The following SLCO4C1 variants were observed in gnomAD, a reference collection of about 807,000 sequenced individuals.
SLCO4C1 encodes the protein solute carrier organic anion transporter family member 4C1, also known as organic anion transporter M1.
In SLCO4C1, 58 loss-of-function variants were observed where a neutral mutation model predicts 72.1. The ratio of observed to expected loss-of-function variants is 0.80; its 90% CI spans 0.65 to 1.00. The LOEUF is 1.00. Among genes scored for constraint, SLCO4C1 ranks in the 50% least tolerant of loss-of-function variants. The pLI, the probability that SLCO4C1 is intolerant of heterozygous loss-of-function variation, is 0.00. For missense variants in SLCO4C1, 898 were observed against 857.9 expected (o/e 1.05, Z -0.58); for synonymous variants, 297 against 312.5 (o/e 0.95, Z 0.52).
At chr5:102,257,783 T>G (rs416734) in intron 7 of SLCO4C1, among the ~76,000 whole-genome samples, 160 bp downstream of exon 7, 113,765 of 151,384 alleles carry the variant, frequency 0.75, 42,794 homozygotes, top group Middle Eastern at 0.84. Flanking sequence ...TATGCTCGGC[T>G]AATTTTTATG....
chr5:102,290,475 G>A (rs530437445), intron 2 of SLCO4C1, among the ~76,000 whole-genome samples: 3 of 152,238 alleles, frequency 2.0e-5, no homozygotes, highest in South Asian at 2.1e-4. Context: ...TGAGGTTTAG[G>A]GGGACAAACA....
chr5:102,265,020 A>T (rs192775140), intron 3 of SLCO4C1, among the ~76,000 whole-genome samples: 37 of 151,664 alleles, frequency 2.4e-4, no homozygotes, highest in African/African-American at 8.5e-4. Flanking sequence ...TTCTTTATTC[A>T]TCTGTTGACG....
chr5:102,287,768 C>T (rs567742929), intron 2 of SLCO4C1, among the ~76,000 whole-genome samples: 1 of 151,776 alleles, frequency 6.6e-6, no homozygotes, highest in African/African-American at 2.4e-5. Context: ...GTTGGCCAGG[C>T]TGGTTTCGAA....
chr5:102,261,738 G>C (rs1235645327), intron 5 of SLCO4C1, among the ~76,000 whole-genome samples, 174 bp downstream of exon 5: 1 of 151,968 alleles, frequency 6.6e-6, no homozygotes, highest in African/African-American at 2.4e-5. Flanking sequence ...TGAATATTAA[G>C]ATTGTTACCC....
Position 102,261,855 on chromosome 5 carries a change from T to C in SLCO4C1, c.1021+57A>G, listed in dbSNP as rs575094828. 4.6e-5 allele frequency: 69 copies of C among 1,514,550 alleles called. No individual in the cohort carries two copies. The South Asian group carries it at 8.5e-4, about 19-fold the overall frequency. 93.8% of individuals were successfully genotyped at this position (1,514,550 alleles called of 1,614,324 possible). ...TAGTTCTTATTAATCATATAGAAAATAGCAACTGGCCTACAATTAAAATAA... is the reference window on the plus strand; with the variant it reads ...TAGTTCTTATTAATCATATAGAAAACAGCAACTGGCCTACAATTAAAATAA... On this transcript the variant is annotated intron_variant, in intron 5 of 12. Coordinates refer to ENST00000310954, the MANE Select transcript of SLCO4C1 (RefSeq NM_180991.5).
rs948663129 is a variant in SLCO4C1, at chr5:102,260,336, T to A, written c.1022-17A>T. On this transcript the variant is annotated splice_polypyrimidine_tract_variant and intron_variant, in intron 5 of 12. Coordinates refer to ENST00000310954, the MANE Select transcript of SLCO4C1 (RefSeq NM_180991.5). ...CTGCTGTACCTAAAAAAAAAATATA[T>A]ATATATATATAATATATATATTATA... 1 of 386,208 alleles carries A rather than the reference T, an allele frequency of 2.6e-6. No homozygotes were observed. The highest frequency in any genetic ancestry group is 4.1e-6 in the Non-Finnish European group (1 of 246,614). 23.9% of individuals were successfully genotyped at this position (386,208 alleles called of 1,614,324 possible).
At chr5:102,250,943 C>T (rs532584222) in intron 8 of SLCO4C1, among the ~76,000 whole-genome samples, 14 of 151,804 alleles carry the variant, frequency 9.2e-5, no homozygotes, top group East Asian at 3.9e-4. Flanking sequence ...GCCAAGATTG[C>T]GCCACTGCAC....
intron 2 of SLCO4C1, among the ~76,000 whole-genome samples, chr5:102,283,588 C>CAAAA (rs544259565): frequency 1.4e-5 from 1 of 70,648 alleles, no homozygotes. Flanking sequence ...AAGGAAGCTA[C>CAAAA]AAAAAAAAAA....
At chr5:102,238,265 C>T (rs1205246581) in intron 12 of SLCO4C1, among the ~76,000 whole-genome samples, 1 of 151,852 alleles carries the variant, frequency 6.6e-6, no homozygotes, top group African/African-American at 2.4e-5. Context: ...AAAGTACAAA[C>T]AAAATGAATT....
At chr5:102,264,238 T>G (rs1449877465) in intron 3 of SLCO4C1, among the ~76,000 whole-genome samples, 1 of 152,124 alleles carries the variant, frequency 6.6e-6, no homozygotes, top group Non-Finnish European at 1.5e-5. Flanking sequence ...GTCTATTTCT[T>G]AAAAGTAAGC....
At position 102,257,963 on chromosome 5, in the gene SLCO4C1, C is replaced by T; in HGVS notation, c.1253G>A (p.Ser418Asn). The T allele has an allele frequency of 6.2e-7, 1 of 1,604,254 alleles. No individual in the cohort carries two copies. The highest frequency in any genetic ancestry group is 2.3e-5 in the East Asian group (1 of 44,324). ...FIENQFGLTS[S>N]FAATLGGAVL... ...TTTACCTCCAAGAGTAGCTGCGAAG[C>T]TGGATGTCAATCCGAATTGATTTTC... The change falls in exon 7 of 13, where the codon AGC becomes AAC. Residue 418 changes from serine to asparagine, a missense_variant. By Grantham distance (46) the Ser-to-Asn change is conservative. Transcript: ENST00000310954.
intron 7 of SLCO4C1, 70 bp from the exon 8 acceptor site, chr5:102,257,380 A>G: frequency 8.4e-7 from 1 of 1,195,160 alleles, no homozygotes; most frequent in South Asian, 1.9e-5. Flanking sequence ...ACAACTGGAA[A>G]ACATCAAAAA....
intron 3 of SLCO4C1, among the ~76,000 whole-genome samples, chr5:102,264,573 C>T (rs1020571095): frequency 2.0e-5 from 3 of 151,808 alleles, no homozygotes; most frequent in Admixed American, 6.6e-5. Flanking sequence ...ATGATCAAAT[C>T]GTAGTAATTA....
Position 102,240,704 on chromosome 5 carries a change from G to A in SLCO4C1, c.1876+14C>T, listed in dbSNP as rs1384080797. On this transcript the variant is annotated intron_variant, in intron 11 of 12. Transcript: ENST00000310954. ...TAGCCAACAGTTAGCAATGAATAAA[G>A]AAAAATGGCATACCTAATAATCGAA... is the stretch of plus-strand genomic sequence containing the variant. 6.2e-7 allele frequency: 1 copy of A among 1,604,596 alleles called. No individual in the cohort carries two copies. Among genetic ancestry groups the A allele is most frequent in the Admixed American group, 1.7e-5 (1 of 59,240 alleles).
Position 102,270,804 on chromosome 5 carries a change from T to G in SLCO4C1, c.622A>C (p.Thr208Pro). Residue 208 changes from threonine (T) to proline (P), a missense_variant and splice_region_variant, in exon 3 of 13, where the codon ACT (threonine) becomes CCT (proline). By Grantham distance (38) the Thr-to-Pro change is conservative (BLOSUM62 -1). Transcript: ENST00000310954. ...GTGCTATTCCTTGTTGTTACACAAG[T>G]GTCTTTGTGGAAAAAAAAATTGTGA... ...EYKLGSLFED[T>P]CVTTRNSTSC... The G allele has an allele frequency of 6.7e-7, 1 of 1,503,666 alleles. No homozygotes were observed. The highest frequency in any genetic ancestry group is 8.8e-7 in the Non-Finnish European group (1 of 1,134,646). 93.1% of individuals were successfully genotyped at this position (1,503,666 alleles called of 1,614,324 possible).
At position 102,291,531 on chromosome 5, in the gene SLCO4C1, G is replaced by C. The variant is rs189311290; in HGVS notation, c.431C>G (p.Thr144Ser). The C allele has an allele frequency of 2.7e-5, 43 of 1,613,990 alleles. No homozygotes were observed. The Admixed American group carries it at 6.3e-4, about 24-fold the overall frequency. Residue 144 changes from threonine (T) to serine (S), a missense_variant, in exon 2 of 13, where the codon ACT becomes AGT. Coordinates refer to ENST00000310954, the MANE Select transcript of SLCO4C1 (RefSeq NM_180991.5). ...ATCGTAGCTTGATGAAATCAGGCCAGTCAGGGAACTCTTCATTTCATAACG... is the reference window on the plus strand; with the variant it reads ...ATCGTAGCTTGATGAAATCAGGCCACTCAGGGAACTCTTCATTTCATAACG... Reference protein sequence around the residue: ...EKRYEMKSSLTGLISSSYDIS... With the variant: ...EKRYEMKSSLSGLISSSYDIS...
intron 6 of SLCO4C1, among the ~76,000 whole-genome samples, chr5:102,259,866 T>G (rs1748902746): frequency 6.6e-6 from 1 of 152,106 alleles, no homozygotes; most frequent in Non-Finnish European, 1.5e-5. Context: ...ATAAGACAAC[T>G]CATGCTCTTT....
chr5:102,241,365 C>G (rs191946720), intron 10 of SLCO4C1, among the ~76,000 whole-genome samples: 6 of 151,950 alleles, frequency 3.9e-5, no homozygotes, highest in African/African-American at 4.8e-5. Context: ...CACTAAAGAT[C>G]CTGCCAAAAA....
chr5:102,266,652 A>AAAAAG (rs930017561), intron 3 of SLCO4C1, among the ~76,000 whole-genome samples: 19 of 148,868 alleles, frequency 1.3e-4, no homozygotes, highest in South Asian at 6.3e-4. Context: ...TTCCATCTCA[A>AAAAAG]AAAAGAAAAG....
Sources: allele counts gnomAD v4.1 joint callset (sites outside exome capture counted in the v4.1 genomes callset), GRCh38; gene constraint gnomAD v4.1.1; transcripts MANE v1.5; gene names NCBI Gene and HGNC (gene_info 2026-07-23, HGNC 2026-07-21).